PARD3B: variants seen among roughly 807,000 people sequenced by gnomAD.
PARD3B encodes the protein par-3 family cell polarity regulator beta.
PARD3B carries 103 observed loss-of-function variants against 130.2 expected under a neutral mutation model. The observed-to-expected ratio is 0.79, with a 90% CI of 0.67 to 0.93. The LOEUF is 0.93. Ranked by LOEUF, PARD3B falls within the 40% of genes least tolerant of loss-of-function variation. The pLI, the probability that PARD3B is intolerant of heterozygous loss-of-function variation, is 0.00. For synonymous variants in PARD3B, 583 were observed against 553.2 expected (o/e 1.05, Z -0.76); for missense variants, 1,609 against 1,499.2 (o/e 1.07, Z -1.21).
intron 16 of PARD3B, among the ~76,000 whole-genome samples, chr2:205,299,561 T>TTATATATATATATATATATATATATAA (rs1289898796): frequency 1.2e-4 from 2 of 17,240 alleles, no homozygotes; most frequent in Non-Finnish European, 3.8e-4. Flanking sequence ...ATATTATATA[T>TTATATATATATATATATATATATATAA]TATATATATA....
chr2:204,719,064 A>G (rs2038873415), intron 2 of PARD3B, among the ~76,000 whole-genome samples: 1 of 152,228 alleles, frequency 6.6e-6, no homozygotes, highest in Non-Finnish European at 1.5e-5. Flanking sequence ...TAATTAACCA[A>G]AACAGATAAT....
chr2:205,319,896 C>T (rs560703558), intron 18 of PARD3B, among the ~76,000 whole-genome samples: 1 of 152,002 alleles, frequency 6.6e-6, no homozygotes, highest in Non-Finnish European at 1.5e-5. Context: ...TTGAAAAACT[C>T]GGCCGGGTGT....
chr2:204,933,563 G>T (rs1688184638), intron 2 of PARD3B, among the ~76,000 whole-genome samples: 1 of 152,154 alleles, frequency 6.6e-6, no homozygotes, highest in Non-Finnish European at 1.5e-5. Flanking sequence ...AGAAATATGT[G>T]CTGTGTTAGA....
At chr2:205,003,441 C>G (rs1479123286) in intron 3 of PARD3B, among the ~76,000 whole-genome samples, 1 of 152,154 alleles carries the variant, frequency 6.6e-6, no homozygotes, top group Non-Finnish European at 1.5e-5. Flanking sequence ...TCTCTGACCT[C>G]ATGCCCTACT....
intron 2 of PARD3B, among the ~76,000 whole-genome samples, chr2:204,949,891 A>G (rs553532393): frequency 6.6e-6 from 1 of 152,290 alleles, no homozygotes; most frequent in African/African-American, 2.4e-5. Flanking sequence ...AGAACATAGT[A>G]TGATAAATTT....
At chr2:204,856,586 CT>C (rs2044948810) in intron 2 of PARD3B, among the ~76,000 whole-genome samples, 1 of 152,102 alleles carries the variant, frequency 6.6e-6, no homozygotes, top group Non-Finnish European at 1.5e-5. Flanking sequence ...ATTGCCTGTG[CT>C]TTTGGAATGC....
At chr2:205,207,083 A>G (rs1461065466) in intron 15 of PARD3B, among the ~76,000 whole-genome samples, 2 of 143,588 alleles carry the variant, frequency 1.4e-5, no homozygotes, top group South Asian at 2.2e-4. Context: ...CCGCTCAACT[A>G]CATGGAAACT....
intron 10 of PARD3B, among the ~76,000 whole-genome samples, chr2:205,138,789 G>A (rs2032705940): frequency 1.3e-5 from 2 of 152,138 alleles, no homozygotes; most frequent in South Asian, 2.1e-4. Context: ...GAATGTCTGG[G>A]GAACATTTGA....
intron 14 of PARD3B, among the ~76,000 whole-genome samples, chr2:205,186,333 C>G (rs1292458199): frequency 1.3e-5 from 2 of 151,582 alleles, no homozygotes; most frequent in African/African-American, 2.4e-5. Flanking sequence ...AAGAGGGTAC[C>G]CAATATTATA....
At chr2:204,657,318 A>T (rs1345927980) in intron 1 of PARD3B, among the ~76,000 whole-genome samples, 1 of 152,146 alleles carries the variant, frequency 6.6e-6, no homozygotes, top group Non-Finnish European at 1.5e-5. Flanking sequence ...AGCTCAACCT[A>T]GGTAACATAG....
At chr2:205,497,426 CATTTTTTTTTT>C (rs1197083178) in intron 20 of PARD3B, among the ~76,000 whole-genome samples, 1 of 75,982 alleles carries the variant, frequency 1.3e-5, no homozygotes, top group Middle Eastern at 8.1e-3. Context: ...GTTTACTCAC[CATTTTTTTTTT>C]TTTTTTTTTT....
At chr2:204,655,584 G>A (rs1175655806) in intron 1 of PARD3B, among the ~76,000 whole-genome samples, 2 of 152,248 alleles carry the variant, frequency 1.3e-5, no homozygotes, top group Non-Finnish European at 1.5e-5. Context: ...TGTTTATAGT[G>A]TATTAGGAAT....
intron 20 of PARD3B, among the ~76,000 whole-genome samples, chr2:205,490,762 C>T (rs1368005237): frequency 2.0e-5 from 3 of 152,198 alleles, no homozygotes; most frequent in East Asian, 1.9e-4. Context: ...TCCACATCCT[C>T]TCCAGCACCT....
In PARD3B at chr2:205,463,606, C is replaced by CA. The variant is rs1358859268; in HGVS notation, c.3044+22938dup. On this transcript the variant is annotated intron_variant, in intron 20 of 22. Coordinates refer to ENST00000406610, the MANE Select transcript of PARD3B (RefSeq NM_001302769.2). The surrounding 1 kb of genome is among the most constrained non-coding windows in gnomAD (Gnocchi z 4.8). ...TATTTGTGAACCAACTGATAATGTG[C>CA]AAAATTAAGATTTCGTAAGTGGCAT... Among the ~76,000 whole-genome samples, 5 of 152,070 alleles carry CA rather than the reference C, an allele frequency of 3.3e-5. No individual in the cohort carries two copies. Among genetic ancestry groups the CA allele is most frequent in the African/African-American group, 1.2e-4 (5 of 41,390 alleles).
chr2:205,124,232 A>C, intron 8 of PARD3B, 95 bp from the exon 9 acceptor site: 1 of 992,600 alleles, frequency 1.0e-6, no homozygotes, highest in African/African-American at 1.7e-5. Flanking sequence ...TACTGATTCT[A>C]TATTAGTCTA....
chr2:204,575,484 C>A (rs2032210467), intron 1 of PARD3B, among the ~76,000 whole-genome samples: 1 of 152,192 alleles, frequency 6.6e-6, no homozygotes, highest in Non-Finnish European at 1.5e-5. Flanking sequence ...CCCCTTGATG[C>A]TAAGAAAGCA....
chr2:205,043,158 A>T (rs1463202405), intron 3 of PARD3B, among the ~76,000 whole-genome samples: 1 of 152,120 alleles, frequency 6.6e-6, no homozygotes, highest in Non-Finnish European at 1.5e-5. Context: ...TTCGTATTGT[A>T]AGGTTATATT....
chr2:205,426,093 G>A (rs142927864), intron 19 of PARD3B, among the ~76,000 whole-genome samples: 1 of 152,216 alleles, frequency 6.6e-6, no homozygotes, highest in African/African-American at 2.4e-5. Context: ...AAAATGGGCG[G>A]TACTGAAGGA....
At chr2:205,168,872 G>A (rs763613) in intron 11 of PARD3B, among the ~76,000 whole-genome samples, 1 of 152,052 alleles carries the variant, frequency 6.6e-6, no homozygotes, top group Non-Finnish European at 1.5e-5. Flanking sequence ...GTAGAATATA[G>A]AATGGTTTGG....
Sources: gnomAD v4.1 joint callset for allele counts (sites outside exome capture counted in the v4.1 genomes callset) on GRCh38, gnomAD v4.1.1 for gene constraint, Gnocchi (gnomAD v3.1) non-coding constraint, MANE v1.5 for transcripts, NCBI Gene and HGNC (gene_info 2026-07-23, HGNC 2026-07-21) for gene names.